The following RBFOX1 variants were observed in gnomAD, a reference collection of about 807,000 sequenced individuals.
RBFOX1 encodes RNA binding fox-1 homolog 1, also known as RNA binding protein fox-1 homolog 1.
RBFOX1 carries 8 observed loss-of-function variants against 57.7 expected under a neutral mutation model. That is an observed-to-expected ratio of 0.14 (90% CI 0.08 to 0.25). The LOEUF is 0.25. Among genes scored for constraint, RBFOX1 ranks in the 10% least tolerant of loss-of-function variants. The pLI is 1.00. For synonymous variants in RBFOX1, 326 were observed against 222.4 expected (o/e 1.47, Z -4.15); for missense variants, 611 against 548.5 (o/e 1.11, Z -1.14).
intron 3 of RBFOX1, among the ~76,000 whole-genome samples, chr16:6,779,809 A>T (rs181866679): frequency 1.4e-4 from 1 of 6,934 alleles, no homozygotes; most frequent in African/African-American, 8.7e-4. Context: ...TTATATATTT[A>T]TATATATATT....
chr16:5,422,702 A>G, intron 1 of RBFOX1, among the ~76,000 whole-genome samples: 1 of 107,914 alleles, frequency 9.3e-6, no homozygotes, highest in Admixed American at 9.7e-5. Context: ...AGGGATGGGG[A>G]GGAAAGAGAA....
intron 4 of RBFOX1, among the ~76,000 whole-genome samples, chr16:7,494,805 T>G (rs1190668997): frequency 1.3e-5 from 2 of 150,512 alleles, no homozygotes; most frequent in Non-Finnish European, 3.0e-5. Context: ...CTTGAGCTCC[T>G]TAATATCAGG....
chr16:5,568,207 C>A (rs953526727), intron 2 of RBFOX1, among the ~76,000 whole-genome samples: 2 of 152,220 alleles, frequency 1.3e-5, no homozygotes, highest in East Asian at 3.9e-4. Context: ...CACCACACTG[C>A]ACTTCAGGTT....
intron 1 of RBFOX1, among the ~76,000 whole-genome samples, chr16:6,150,236 C>G (rs751708063): frequency 6.6e-6 from 1 of 152,090 alleles, no homozygotes; most frequent in Non-Finnish European, 1.5e-5. Flanking sequence ...TCTGTGTGCA[C>G]CTGAGGTCCT....
intron 3 of RBFOX1, among the ~76,000 whole-genome samples, chr16:6,696,470 C>G: frequency 1.3e-5 from 2 of 152,104 alleles, no homozygotes; most frequent in Middle Eastern, 6.8e-3. Flanking sequence ...AAATTGGAGT[C>G]GATGTAAATC....
intron 4 of RBFOX1, among the ~76,000 whole-genome samples, chr16:7,256,144 T>C (rs549407985): frequency 6.6e-6 from 1 of 152,332 alleles, no homozygotes; most frequent in African/African-American, 2.4e-5. Flanking sequence ...AATAAATACA[T>C]AGAATGTAAA....
chr16:7,422,005 T>A (rs540203179), intron 4 of RBFOX1, among the ~76,000 whole-genome samples: 1 of 152,124 alleles, frequency 6.6e-6, no homozygotes, highest in Admixed American at 6.5e-5. Flanking sequence ...ATAAAAACCC[T>A]CAGAGGCTCT....
chr16:6,035,209 G>C (rs1038460159), intron 1 of RBFOX1, among the ~76,000 whole-genome samples: 1 of 152,096 alleles, frequency 6.6e-6, no homozygotes, highest in Non-Finnish European at 1.5e-5. Context: ...CTCAGACAAA[G>C]AGCAAAATAT....
In RBFOX1 at chr16:6,999,245, A is replaced by G. The variant is rs1368015647; in HGVS notation, c.-15-52812A>G. Among the ~76,000 whole-genome samples, 6 of 72,634 alleles carry G rather than the reference A, an allele frequency of 8.3e-5. No homozygotes were observed. The South Asian group carries it at 2.7e-3, about 33-fold the overall frequency. The allele number at this position is 72,634 out of a possible 152,430, so 47.7% of individuals were successfully genotyped here. On this transcript the variant is annotated intron_variant, in intron 3 of 15. Transcript: ENST00000550418. The stretch of plus-strand genomic sequence containing the variant: ...TTTTTATTTATTTTTTTTTTTAGAG[A>G]TCAGGTCTCACTTGTTGATCAGGCT...
At chr16:5,866,351 G>T (rs796610582) in intron 3 of RBFOX1, among the ~76,000 whole-genome samples, 10 of 152,248 alleles carry the variant, frequency 6.6e-5, no homozygotes, top group African/African-American at 2.4e-4. Context: ...ACTTTCCAAA[G>T]GTCCAGTCTC....
intron 3 of RBFOX1, among the ~76,000 whole-genome samples, chr16:5,755,296 A>G (rs1046407273): frequency 2.6e-5 from 4 of 151,580 alleles, no homozygotes. Flanking sequence ...GGAGTCTCCT[A>G]TGTCTACTTC....
chr16:7,082,998 T>C (rs1478715), intron 4 of RBFOX1, among the ~76,000 whole-genome samples: 88,909 of 152,078 alleles, frequency 0.58, 29,374 homozygotes, highest in East Asian at 0.89. Flanking sequence ...TGGTTTTGAA[T>C]TGAATATTTG....
At chr16:5,429,995 T>A (rs1202507292) in intron 1 of RBFOX1, among the ~76,000 whole-genome samples, 1 of 152,220 alleles carries the variant, frequency 6.6e-6, no homozygotes, top group Non-Finnish European at 1.5e-5. Flanking sequence ...GAGAGGAGGC[T>A]GTTACTATCT....
chr16:5,451,506 C>G (rs1181080415), intron 1 of RBFOX1, among the ~76,000 whole-genome samples: 2 of 152,212 alleles, frequency 1.3e-5, no homozygotes, highest in Non-Finnish European at 2.9e-5. Flanking sequence ...TGAGGGCCTA[C>G]TAGGTGCAGG....
chr16:7,178,156 C>T (rs757409016), intron 4 of RBFOX1, among the ~76,000 whole-genome samples: 2 of 152,222 alleles, frequency 1.3e-5, no homozygotes, highest in Non-Finnish European at 2.9e-5. Context: ...AAACAAAAAA[C>T]ATGTTTATTC....
chr16:7,078,916 T>C (rs1192894093), intron 4 of RBFOX1, among the ~76,000 whole-genome samples: 1 of 142,334 alleles, frequency 7.0e-6, no homozygotes, highest in Admixed American at 7.2e-5. Context: ...TACCATGTTG[T>C]CCAGGCTGGT....
intron 2 of RBFOX1, among the ~76,000 whole-genome samples, chr16:6,584,221 T>C (rs1169598216): frequency 6.6e-6 from 1 of 151,742 alleles, no homozygotes; most frequent in African/African-American, 2.4e-5. Flanking sequence ...GTAGATGAAG[T>C]TTTAGGGCCC....
chr16:6,786,650 G>A (rs62016107), intron 3 of RBFOX1, among the ~76,000 whole-genome samples: 26 of 152,034 alleles, frequency 1.7e-4, no homozygotes, highest in African/African-American at 6.3e-4. Context: ...TGCTCTGTGC[G>A]CATTTAGAGG....
At chr16:6,504,100 T>C (rs2096020118) in intron 2 of RBFOX1, among the ~76,000 whole-genome samples, 1 of 152,200 alleles carries the variant, frequency 6.6e-6, no homozygotes, top group Non-Finnish European at 1.5e-5. Context: ...TTCAGTGAAA[T>C]GGCAGCCCAG....
Sources: allele counts gnomAD v4.1 joint callset (sites outside exome capture counted in the v4.1 genomes callset), GRCh38; gene constraint gnomAD v4.1.1; transcripts MANE v1.5; gene names NCBI Gene and HGNC (gene_info 2026-07-23, HGNC 2026-07-21).